The following SZT2 variants were observed in gnomAD, a reference collection of about 807,000 sequenced individuals.
SZT2 encodes the protein SZT2 subunit of KICSTOR complex.
In SZT2, 216 loss-of-function variants were observed where a neutral mutation model predicts 404.2. The observed-to-expected ratio is 0.53, with a 90% CI of 0.48 to 0.60. The LOEUF is 0.60. Ranked by LOEUF, SZT2 falls within the 20% of genes least tolerant of loss-of-function variation. The probability of loss-of-function intolerance (pLI) is 0.00; values close to 1 mark genes in which losing one functional copy is unlikely to be tolerated. For synonymous variants in SZT2, 1,693 were observed against 1,749.9 expected (o/e 0.97, Z 0.81); for missense variants, 3,857 against 4,459.2 (o/e 0.86, Z 3.85).
intron 40 of SZT2, among the ~76,000 whole-genome samples, chr1:43,433,719 G>A (rs1654174569): frequency 6.6e-6 from 1 of 152,246 alleles, no homozygotes; most frequent in Non-Finnish European, 1.5e-5. Flanking sequence ...GGTGGAGATT[G>A]CAGTGAATGA....
intron 4 of SZT2, chr1:43,406,279 G>A (rs1650304738): frequency 6.2e-6 from 2 of 320,776 alleles, no homozygotes; most frequent in South Asian, 2.3e-5. Flanking sequence ...GTTTTTTTTG[G>A]TAGAGACAGG....
chr1:43,454,037 A>G lies in SZT2; in HGVS notation c.*3557A>G. On this transcript the variant is annotated 3_prime_UTR_variant, in exon 72 of 72. Coordinates refer to ENST00000634258, the MANE Select transcript of SZT2 (RefSeq NM_001365999.1). ...CGAGGGCGGCCGGAAAAGGAGCAGG[A>G]CCCGCGCCTGGAGAAGGTAGGGAGG... 1 of 1,153,402 alleles carries G rather than the reference A, an allele frequency of 8.7e-7. No homozygotes were observed. Among genetic ancestry groups the G allele is most frequent in the African/African-American group, 1.6e-5 (1 of 61,690 alleles). The allele number at this position is 1,153,402 out of a possible 1,614,324, so 71.4% of individuals were successfully genotyped here. A position where few individuals can be genotyped will look rare whatever the true frequency, so the allele number is the denominator to read the frequency against.
rs1388271678 is a variant in SZT2 at position 43,433,340 on chromosome 1, C to T, written c.5804+150C>T. ...CTTGTATTCTTAGGTTGGTGGTTCCCGATCACTTCCCACATCTTACAGCTA... is the reference window on the plus strand; with the variant it reads ...CTTGTATTCTTAGGTTGGTGGTTCCTGATCACTTCCCACATCTTACAGCTA... On this transcript the variant is annotated intron_variant, in intron 40 of 71. Coordinates refer to ENST00000634258, the MANE Select transcript of SZT2 (RefSeq NM_001365999.1). 24 of 764,166 alleles carry T rather than the reference C, an allele frequency of 3.1e-5. No individual in the cohort carries two copies. The Middle Eastern group carries it at 1.2e-3, about 37-fold the overall frequency. 47.3% of individuals were successfully genotyped at this position (764,166 alleles called of 1,614,324 possible). A position where few individuals can be genotyped will look rare whatever the true frequency, so the allele number is the denominator to read the frequency against.
intron 4 of SZT2, among the ~76,000 whole-genome samples, chr1:43,413,080 C>T (rs1003063472): frequency 3.3e-5 from 5 of 152,144 alleles, no homozygotes; most frequent in African/African-American, 9.7e-5. Context: ...AGTACAACCA[C>T]TATGAAGAAC....
In SZT2 at chr1:43,437,737, C is replaced by G; in HGVS notation, c.6396+37C>G. On this transcript the variant is annotated intron_variant, in intron 45 of 71. Coordinates refer to ENST00000634258, the MANE Select transcript of SZT2 (RefSeq NM_001365999.1). The surrounding 1 kb of genome is among the most constrained non-coding windows in gnomAD (Gnocchi z 5.3). ...TCCCACTCTCTGATGCCCCTGTGTT[C>G]CTCTTGCACTTTGCTCTCTGGAACC... is the stretch of plus-strand genomic sequence containing the variant. 1 of 1,614,042 alleles carries G rather than the reference C, an allele frequency of 6.2e-7. No homozygotes were observed. Among genetic ancestry groups the G allele is most frequent in the South Asian group, 1.1e-5 (1 of 91,086 alleles).
rs749183468 is a variant in SZT2, at chr1:43,437,276, G to A, written c.6140G>A (p.Arg2047Gln). The change falls in exon 43 of 72, where the codon CGA becomes CAA. Residue 2047 changes from arginine to glutamine, a missense_variant. Arg to Gln is a conservative substitution (Grantham distance 43, BLOSUM62 1). This residue lies in a region of SZT2 where 261 missense variants were observed against 372.9 expected (regional missense o/e 0.70). Coordinates refer to ENST00000634258, the MANE Select transcript of SZT2 (RefSeq NM_001365999.1). The surrounding 1 kb of genome is among the most constrained non-coding windows in gnomAD (Gnocchi z 5.3). The part of the protein sequence containing the change: ...SCDVVWGTVI[R>Q]VHSRLKMGPS... ...GACGTTGTGTGGGGAACTGTGATCC[G>A]AGTCCATTCACGCCTCAAAATGGGG... The A allele has an allele frequency of 5.0e-6, 8 of 1,613,966 alleles. No homozygotes were observed. Among genetic ancestry groups the A allele is most frequent in the African/African-American group, 4.0e-5 (3 of 74,882 alleles).
chr1:43,425,930 A>G lies in SZT2; in HGVS notation c.2910A>G (p.Pro970=), dbSNP rs778666985. 6.2e-7 allele frequency: 1 copy of G among 1,614,124 alleles called. No individual in the cohort carries two copies. The highest frequency in any genetic ancestry group is 1.1e-5 in the South Asian group (1 of 91,080). The change falls in exon 20 of 72, where the codon CCA becomes CCG. Residue 970 remains proline (P), a synonymous_variant. Transcript: ENST00000634258. The surrounding 1 kb of genome is among the most constrained non-coding windows in gnomAD (Gnocchi z 4.3). The part of the protein sequence containing the change: ...CQSKEWGPLP[P]EPRVSDGLDQ... Reference sequence around the variant, plus strand: ...GCAAGGAATGGGGTCCTCTGCCCCCAGAGCCGAGGGTCTCTGATGGTGAGT... The same window carrying G: ...GCAAGGAATGGGGTCCTCTGCCCCCGGAGCCGAGGGTCTCTGATGGTGAGT...
intron 7 of SZT2, 122 bp downstream of exon 7, chr1:43,416,763 G>A: frequency 1.4e-6 from 1 of 735,626 alleles, no homozygotes; most frequent in East Asian, 2.7e-5. Context: ...TTACATGGGG[G>A]GAAGGAGTCA....
chr1:43,408,484 T>A (rs1482623772), intron 4 of SZT2, among the ~76,000 whole-genome samples: 2 of 152,182 alleles, frequency 1.3e-5, no homozygotes, highest in East Asian at 3.9e-4. Flanking sequence ...CAGGCTGGTC[T>A]CAAACTCTTG....
intron 3 of SZT2, chr1:43,404,068 G>A: frequency 1.9e-6 from 1 of 516,266 alleles, no homozygotes; most frequent in Non-Finnish European, 3.5e-6. Context: ...AAATTAGCCA[G>A]GCATGCTGGC....
chr1:43,446,819 A>G, intron 65 of SZT2, 136 bp from the exon 66 acceptor site: 3 of 894,748 alleles, frequency 3.4e-6, no homozygotes, highest in Non-Finnish European at 5.1e-6. Context: ...CACAGAAACC[A>G]TTCTGGCAGA....
In SZT2 at chr1:43,451,554, G is replaced by C; in HGVS notation, c.*1074G>C. 2 of 1,613,728 alleles carry C rather than the reference G, an allele frequency of 1.2e-6. No individual in the cohort carries two copies. Among genetic ancestry groups the C allele is most frequent in the Non-Finnish European group, 1.7e-6 (2 of 1,179,720 alleles). On this transcript the variant is annotated 3_prime_UTR_variant, in exon 72 of 72. Coordinates refer to ENST00000634258, the MANE Select transcript of SZT2 (RefSeq NM_001365999.1). ...GCCACCTGCACATGCCCTGGGGACA[G>C]ATGTGGACAAATGTGGGGTCCAGGC... is the stretch of plus-strand genomic sequence containing the variant.
rs146196024 is a variant in SZT2 at position 43,447,041 on chromosome 1, C to T, written c.9159C>T (p.Leu3053=). 52 of 1,613,836 alleles carry T rather than the reference C, an allele frequency of 3.2e-5. No homozygotes were observed. The highest frequency in any genetic ancestry group is 4.3e-5 in the Non-Finnish European group (51 of 1,180,028). Residue 3053 remains leucine (L), a synonymous_variant, in exon 66 of 72, where the codon CTC becomes CTT. Coordinates refer to ENST00000634258, the MANE Select transcript of SZT2 (RefSeq NM_001365999.1). ...HSFSYDFHLR[L]VHQHVLGAHL... ...TCAGCTATGACTTCCATCTGCGCCT[C>T]GTGCATCAGCACGTGCTAGGTGCCC...
chr1:43,421,050 C>G, intron 10 of SZT2, 67 bp downstream of exon 10: 1 of 1,592,566 alleles, frequency 6.3e-7, no homozygotes, highest in South Asian at 1.1e-5. Context: ...TTTGCAAAGG[C>G]GGGAGCTGGG....
Position 43,425,412 on chromosome 1 carries a change from T to A in SZT2, c.2646-62T>A. ...TGTCCTCTGTGCCTGCCTCCTTCCC[T>A]CCATGAGGTTCACTCCCTGCCATGA... On this transcript the variant is annotated intron_variant, in intron 18 of 71. Coordinates refer to ENST00000634258, the MANE Select transcript of SZT2 (RefSeq NM_001365999.1). This position sits in a 1 kb window ranked among gnomAD's most constrained non-coding sequence, Gnocchi z 4.3. 3.1e-6 allele frequency: 5 copies of A among 1,600,788 alleles called. No individual in the cohort carries two copies. The highest frequency in any genetic ancestry group is 4.3e-6 in the Non-Finnish European group (5 of 1,171,798).
chr1:43,451,242 T>C lies in SZT2; in HGVS notation c.*762T>C. ...ACGTGGGTGGTGTGCGGGCCCTCAC[T>C]GGCCAGCCTCTGGGTGGCCCCGCCT... On this transcript the variant is annotated 3_prime_UTR_variant, in exon 72 of 72. Transcript: ENST00000634258. 6.2e-7 allele frequency: 1 copy of C among 1,613,906 alleles called. No individual in the cohort carries two copies. Among genetic ancestry groups the C allele is most frequent in the Non-Finnish European group, 8.5e-7 (1 of 1,179,976 alleles).
At chr1:43,401,162 C>A (rs774689106) in intron 1 of SZT2, among the ~76,000 whole-genome samples, 4 of 152,170 alleles carry the variant, frequency 2.6e-5, no homozygotes, top group Non-Finnish European at 2.9e-5. Context: ...TAGGTGCAAA[C>A]GGCCTGCCCA....
chr1:43,446,547 G>T, intron 65 of SZT2, 131 bp downstream of exon 65: 1 of 1,073,068 alleles, frequency 9.3e-7, no homozygotes, highest in Admixed American at 2.0e-5. Flanking sequence ...TCACTGCTAT[G>T]GCCTGGCTAG....
At chr1:43,447,752 A>G (rs1262715551) in intron 67 of SZT2, 54 bp downstream of exon 67, 4 of 1,610,734 alleles carry the variant, frequency 2.5e-6, no homozygotes, top group Non-Finnish European at 3.4e-6. Flanking sequence ...GGGTTGGGAC[A>G]TACTTGCAGT....
Sources: gnomAD v4.1 joint callset for allele counts (sites outside exome capture counted in the v4.1 genomes callset) on GRCh38, gnomAD v4.1.1 for gene constraint, gnomAD v4.1.1 regional missense constraint, Gnocchi (gnomAD v3.1) non-coding constraint, MANE v1.5 for transcripts, NCBI Gene and HGNC (gene_info 2026-07-23, HGNC 2026-07-21) for gene names.